The following SLCO1A2 variants were observed in gnomAD, a reference collection of about 807,000 sequenced individuals.
SLCO1A2 encodes solute carrier organic anion transporter family member 1A2, also known as OATP-1.
In SLCO1A2, 67 loss-of-function variants were observed where a neutral mutation model predicts 69.0. The ratio of observed to expected loss-of-function variants is 0.97; its 90% CI spans 0.80 to 1.19. SLCO1A2 has a LOEUF of 1.19. Ranked by LOEUF, SLCO1A2 falls within the 50% of genes most tolerant of loss-of-function variation. The pLI is 0.00. For missense variants in SLCO1A2, 787 were observed against 793.7 expected (o/e 0.99, Z 0.10); for synonymous variants, 260 against 265.9 (o/e 0.98, Z 0.22).
chr12:21,412,188 C>T (rs1032479042), intron 1 of SLCO1A2, among the ~76,000 whole-genome samples: 3 of 152,120 alleles, frequency 2.0e-5, no homozygotes, highest in Non-Finnish European at 4.4e-5. Flanking sequence ...TGAGACCAGC[C>T]TAACCAACAT....
intron 1 of SLCO1A2, among the ~76,000 whole-genome samples, chr12:21,388,725 G>T (rs1289041553): frequency 1.3e-5 from 2 of 151,956 alleles, no homozygotes; most frequent in Non-Finnish European, 1.5e-5. Flanking sequence ...ATTGACCAAA[G>T]CATGAAATAT....
chr12:21,373,069 T>A (rs1201530896), intron 2 of SLCO1A2: 1 of 407,320 alleles, frequency 2.5e-6, no homozygotes, highest in Non-Finnish European at 4.4e-6. Context: ...TGGTGTTAAA[T>A]TCATGGTTTA....
At chr12:21,286,098 A>G (rs1444985281) in intron 12 of SLCO1A2, among the ~76,000 whole-genome samples, 5 of 151,152 alleles carry the variant, frequency 3.3e-5, no homozygotes, top group African/African-American at 1.2e-4. Context: ...ATGATTGTTT[A>G]TCTAGAAAAC....
At chr12:21,394,413 T>C (rs563154394) in intron 1 of SLCO1A2, among the ~76,000 whole-genome samples, 2 of 145,814 alleles carry the variant, frequency 1.4e-5, no homozygotes, top group African/African-American at 5.1e-5. Flanking sequence ...TGGTAGTGCA[T>C]GCCTGTAGTC....
upstream of SLCO1A2, among the ~76,000 whole-genome samples, chr12:21,396,721 A>C (rs1187276432): frequency 7.9e-5 from 12 of 152,192 alleles, no homozygotes; most frequent in South Asian, 2.1e-4. Flanking sequence ...TAATATTCAA[A>C]TTTCTTAAAG....
intron 6 of SLCO1A2, among the ~76,000 whole-genome samples, chr12:21,301,691 T>A (rs970020974): frequency 5.3e-5 from 8 of 152,228 alleles, no homozygotes; most frequent in Admixed American, 5.2e-4. Context: ...AAAGTTTCAC[T>A]CTCAGATCTG....
chr12:21,357,756 T>C (rs991684523), intron 2 of SLCO1A2, among the ~76,000 whole-genome samples: 3 of 152,216 alleles, frequency 2.0e-5, no homozygotes, highest in African/African-American at 4.8e-5. Flanking sequence ...ATCAAGCCTT[T>C]CTAAAGCTCC....
intron 1 of SLCO1A2, among the ~76,000 whole-genome samples, chr12:21,384,199 A>G (rs2137132478): frequency 6.6e-6 from 1 of 152,320 alleles, no homozygotes; most frequent in South Asian, 2.1e-4. Flanking sequence ...AAGAATTTTA[A>G]AAGAGACAGA....
At chr12:21,355,959 C>T (rs1319237155) in intron 2 of SLCO1A2, among the ~76,000 whole-genome samples, 1 of 151,954 alleles carries the variant, frequency 6.6e-6, no homozygotes, top group African/African-American at 2.4e-5. Flanking sequence ...GAATGAGTAA[C>T]AGCATATCAG....
upstream of SLCO1A2, among the ~76,000 whole-genome samples, chr12:21,398,203 T>A (rs1398845676): frequency 6.6e-6 from 1 of 150,770 alleles, no homozygotes; most frequent in Non-Finnish European, 1.5e-5. Context: ...TCACCACCGA[T>A]CCCACAGAAA....
At chr12:21,350,723 G>A (rs1011689630) in intron 2 of SLCO1A2, among the ~76,000 whole-genome samples, 4 of 149,206 alleles carry the variant, frequency 2.7e-5, no homozygotes, top group Non-Finnish European at 5.9e-5. Context: ...TGTAGTCCCA[G>A]CTACTCAGAA....
intron 8 of SLCO1A2, 76 bp downstream of exon 8, chr12:21,300,272 G>A: frequency 9.4e-7 from 1 of 1,060,864 alleles, no homozygotes; most frequent in Non-Finnish European, 1.4e-6. Context: ...GCATATCATA[G>A]TGTTAGACTA....
intron 1 of SLCO1A2, among the ~76,000 whole-genome samples, chr12:21,410,465 T>A (rs1455071872): frequency 6.6e-6 from 1 of 152,194 alleles, no homozygotes; most frequent in Admixed American, 6.5e-5. Flanking sequence ...TCTCATTAAT[T>A]TATTGATATA....
intron 2 of SLCO1A2, among the ~76,000 whole-genome samples, chr12:21,349,086 A>G (rs201858347): frequency 1.3e-5 from 2 of 152,082 alleles, no homozygotes; most frequent in Non-Finnish European, 2.9e-5. Flanking sequence ...AAAAATTAAG[A>G]TCTATTTTTT....
chr12:21,356,137 G>A (rs1233448427), intron 2 of SLCO1A2, among the ~76,000 whole-genome samples: 2 of 152,020 alleles, frequency 1.3e-5, no homozygotes, highest in Non-Finnish European at 2.9e-5. Context: ...CTAGCGCTGT[G>A]ACTTTGAGTA....
chr12:21,387,942 C>T (rs764091263), intron 1 of SLCO1A2, among the ~76,000 whole-genome samples: 1 of 152,204 alleles, frequency 6.6e-6, no homozygotes, highest in Admixed American at 6.5e-5. Context: ...TGCATCAGCA[C>T]GACCTGTATG....
chr12:21,316,804 C>T (rs1026153501), intron 3 of SLCO1A2, among the ~76,000 whole-genome samples: 1 of 152,150 alleles, frequency 6.6e-6, no homozygotes, highest in Admixed American at 6.5e-5. Flanking sequence ...TAATCAATAG[C>T]TCCAGCCCAG....
intron 12 of SLCO1A2, among the ~76,000 whole-genome samples, chr12:21,285,670 G>T (rs1591791781): frequency 7.3e-6 from 1 of 136,556 alleles, no homozygotes; most frequent in African/African-American, 2.8e-5. Context: ...ATGATCAAGT[G>T]GGCTTCATCC....
At chr12:21,370,094 CA>C (rs745509197) in intron 2 of SLCO1A2, among the ~76,000 whole-genome samples, 1 of 151,942 alleles carries the variant, frequency 6.6e-6, no homozygotes, top group Non-Finnish European at 1.5e-5. Flanking sequence ...TCATTTTTAA[CA>C]AAAAAACAAA....
Sources: gnomAD v4.1 joint callset for allele counts (sites outside exome capture counted in the v4.1 genomes callset) on GRCh38, gnomAD v4.1.1 for gene constraint, MANE v1.5 for transcripts, NCBI Gene and HGNC (gene_info 2026-07-23, HGNC 2026-07-21) for gene names.